Variants in UBE2V2 observed in about 807,000 individuals in gnomAD.
The protein encoded by UBE2V2 is ubiquitin conjugating enzyme E2 V2.
In UBE2V2, 9 loss-of-function variants were observed where a neutral mutation model predicts 17.2. That is an observed-to-expected ratio of 0.52 (90% CI 0.32 to 0.91). UBE2V2 has a LOEUF of 0.91. Ranked by LOEUF, UBE2V2 falls within the 40% of genes least tolerant of loss-of-function variation. The probability of loss-of-function intolerance (pLI) is 0.04; values close to 1 mark genes in which losing one functional copy is unlikely to be tolerated. For synonymous variants in UBE2V2, 61 were observed against 57.5 expected (o/e 1.06, Z -0.28); for missense variants, 133 against 182.6 (o/e 0.73, Z 1.56).
At chr8:48,025,568 G>A (rs1363886236) in intron 1 of UBE2V2, among the ~76,000 whole-genome samples, 2 of 151,076 alleles carry the variant, frequency 1.3e-5, no homozygotes, top group African/African-American at 2.4e-5. Flanking sequence ...GTGAGCCACC[G>A]TGCCTGGCCT....
chr8:48,007,116 C>T (rs2091188816), upstream of UBE2V2, among the ~76,000 whole-genome samples: 1 of 151,514 alleles, frequency 6.6e-6, no homozygotes. Context: ...TCTTGATCTT[C>T]TGACCTCGTG....
chr8:48,012,337 C>T (rs1032208803), intron 1 of UBE2V2, among the ~76,000 whole-genome samples: 8 of 152,036 alleles, frequency 5.3e-5, no homozygotes, highest in African/African-American at 9.7e-5. Context: ...AAGCTACTCT[C>T]GGGAATAGAA....
chr8:48,025,739 A>G (rs1460962123), intron 1 of UBE2V2, among the ~76,000 whole-genome samples: 3 of 151,826 alleles, frequency 2.0e-5, no homozygotes, highest in African/African-American at 4.8e-5. Context: ...AGCTGGGACT[A>G]TAGGCACCCG....
chr8:48,052,563 T>G (rs1029043875), intron 3 of UBE2V2, among the ~76,000 whole-genome samples: 5 of 152,234 alleles, frequency 3.3e-5, no homozygotes, highest in African/African-American at 9.6e-5. Flanking sequence ...CTTATTTTTC[T>G]ATTTACATTG....
chr8:48,042,902 G>A (rs2091473541), intron 1 of UBE2V2, 131 bp from the exon 2 acceptor site: 5 of 906,496 alleles, frequency 5.5e-6, no homozygotes, highest in Non-Finnish European at 7.6e-6. Context: ...GGAGCAGAAT[G>A]CTTTTTAAAG....
intron 1 of UBE2V2, among the ~76,000 whole-genome samples, chr8:48,010,876 A>G (rs2091225019): frequency 7.0e-6 from 1 of 142,462 alleles, no homozygotes; most frequent in Non-Finnish European, 1.5e-5. Flanking sequence ...TTTTTTGTAT[A>G]TATATATTTT....
At chr8:48,059,835 G>C (rs1802564701) in intron 3 of UBE2V2, among the ~76,000 whole-genome samples, 1 of 152,162 alleles carries the variant, frequency 6.6e-6, no homozygotes, top group African/African-American at 2.4e-5. Context: ...GGGAACTGCA[G>C]GACAGGTCAA....
intron 1 of UBE2V2, among the ~76,000 whole-genome samples, chr8:48,036,681 C>T (rs1000304216): frequency 6.6e-6 from 1 of 151,762 alleles, no homozygotes; most frequent in African/African-American, 2.4e-5. Flanking sequence ...GTGATCCACC[C>T]GCCTTGGCCT....
intron 1 of UBE2V2, among the ~76,000 whole-genome samples, chr8:48,017,639 C>G (rs974779447): frequency 6.6e-6 from 1 of 152,126 alleles, no homozygotes; most frequent in Non-Finnish European, 1.5e-5. Context: ...TCCCAAAGTG[C>G]TAGGATTACA....
chr8:48,018,749 T>C (rs2091285560), intron 1 of UBE2V2, among the ~76,000 whole-genome samples: 1 of 152,176 alleles, frequency 6.6e-6, no homozygotes, highest in African/African-American at 2.4e-5. Flanking sequence ...AATTGTGAGG[T>C]GTGAAAATCT....
At chr8:48,026,718 G>A (rs2091348925) in intron 1 of UBE2V2, among the ~76,000 whole-genome samples, 1 of 152,072 alleles carries the variant, frequency 6.6e-6, no homozygotes, top group Non-Finnish European at 1.5e-5. Flanking sequence ...TGTTTTTAAG[G>A]GTCATCCATG....
intron 1 of UBE2V2, among the ~76,000 whole-genome samples, chr8:48,026,344 A>G (rs1228926309): frequency 6.6e-6 from 1 of 152,200 alleles, no homozygotes; most frequent in Non-Finnish European, 1.5e-5. Context: ...GGGATGCTTC[A>G]TAAGAAAGCT....
Position 48,060,725 on chromosome 8 carries a change from C to T in UBE2V2, c.335C>T (p.Ser112Leu), listed in dbSNP as rs754625747. 1.3e-6 allele frequency: 2 copies of T among 1,542,076 alleles called. No homozygotes were observed. Among genetic ancestry groups the T allele is most frequent in the Admixed American group, 2.0e-5 (1 of 49,726 alleles). The change falls in exon 4 of 4, where the codon TCA becomes TTA. Residue 112 changes from serine (S) to leucine (L), a missense_variant. Physicochemically the swap from Ser to Leu is moderately radical, Grantham distance 145. Transcript: ENST00000523111. The part of the protein sequence containing the change: ...SIPVLAKWQN[S>L]YSIKVVLQEL... ...CCAGTGTTAGCAAAATGGCAAAATT[C>T]ATATAGCATTAAAGTTGTACTTCAA...
rs548901558 is a variant in UBE2V2 at position 48,010,465 on chromosome 8, G to A, written c.16+1995G>A. On this transcript the variant is annotated intron_variant, in intron 1 of 3. Coordinates refer to ENST00000523111, the MANE Select transcript of UBE2V2 (RefSeq NM_003350.3). ...CACCCAGGCTGGAGTGCAGTGGCGC[G>A]ATCTCGGCTCACTGCAACCTCCGCC... 1.5e-4 allele frequency among the ~76,000 whole-genome samples: 22 copies of A among 149,610 alleles called. No homozygotes were observed. In the South Asian group the frequency reaches 2.8e-3, roughly 19 times the overall value.
chr8:48,028,008 C>G (rs2091357109), intron 1 of UBE2V2, among the ~76,000 whole-genome samples: 1 of 151,824 alleles, frequency 6.6e-6, no homozygotes, highest in Admixed American at 6.6e-5. Flanking sequence ...TGCCCACCAC[C>G]ACGCCTGGCT....
chr8:48,020,429 G>C (rs1271300715), intron 1 of UBE2V2, among the ~76,000 whole-genome samples: 1 of 151,906 alleles, frequency 6.6e-6, no homozygotes, highest in Non-Finnish European at 1.5e-5. Context: ...GCATATAGTT[G>C]GGTCTTGTTT....
rs989651243 is a variant in UBE2V2, at chr8:48,057,598, C to T, written c.292-3084C>T. On this transcript the variant is annotated intron_variant, in intron 3 of 3. Coordinates refer to ENST00000523111, the MANE Select transcript of UBE2V2 (RefSeq NM_003350.3). The stretch of plus-strand genomic sequence containing the variant: ...GATTACAGGCATGAGCCACTGCACC[C>T]GACCTTTAAATTATTTCTATTTAAT... Among the ~76,000 whole-genome samples, 5 of 152,032 alleles carry T rather than the reference C, an allele frequency of 3.3e-5. No homozygotes were observed. The South Asian group carries it at 6.2e-4, about 19-fold the overall frequency.
the UBE2V2 span, among the ~76,000 whole-genome samples, chr8:48,001,830 C>T: frequency 6.6e-6 from 1 of 152,234 alleles, no homozygotes; most frequent in African/African-American, 2.4e-5. Flanking sequence ...TGGCTCATGC[C>T]TGTAATCCCA....
At chr8:48,010,515 C>T (rs2091221232) in intron 1 of UBE2V2, among the ~76,000 whole-genome samples, 1 of 151,426 alleles carries the variant, frequency 6.6e-6, no homozygotes. Flanking sequence ...GATTCTCCTG[C>T]CTCAGTCTCC....
Sources: allele counts gnomAD v4.1 joint callset (sites outside exome capture counted in the v4.1 genomes callset), GRCh38; gene constraint gnomAD v4.1.1; transcripts MANE v1.5; gene names NCBI Gene and HGNC (gene_info 2026-07-23, HGNC 2026-07-21).